PIK3R3: variants seen among roughly 807,000 people sequenced by gnomAD.
PIK3R3 encodes the protein phosphoinositide-3-kinase regulatory subunit 3.
A neutral mutation model predicts 62.9 loss-of-function variants in PIK3R3; 64 were observed. The ratio of observed to expected loss-of-function variants is 1.02; its 90% CI spans 0.83 to 1.25. PIK3R3 has a LOEUF of 1.25. Among genes scored for constraint, PIK3R3 ranks in the 50% most tolerant of loss-of-function variants. The pLI is 0.00. For missense variants in PIK3R3, 614 were observed against 561.6 expected (o/e 1.09, Z -0.94); for synonymous variants, 165 against 189.0 (o/e 0.87, Z 1.04).
intron 5 of PIK3R3, among the ~76,000 whole-genome samples, chr1:46,064,912 TAGAA>T (rs1395074147): frequency 2.6e-5 from 4 of 151,888 alleles, no homozygotes; most frequent in Non-Finnish European, 2.9e-5. Context: ...AGAAAAAAAT[TAGAA>T]AGAGCAGAAA....
At chr1:46,150,828 G>A in the PIK3R3 span, among the ~76,000 whole-genome samples, 1 of 110,852 alleles carries the variant, frequency 9.0e-6, no homozygotes, top group Non-Finnish European at 1.8e-5. Flanking sequence ...TTTTTTTTGA[G>A]ACAGAGTTTT....
the PIK3R3 span, among the ~76,000 whole-genome samples, chr1:46,144,507 T>C: frequency 3.3e-5 from 5 of 152,204 alleles, no homozygotes; most frequent in East Asian, 1.9e-4. Context: ...CGGTGGCTCA[T>C]GCCTGCAATC....
At chr1:46,132,841 T>C (rs2149483004), upstream of PIK3R3, 1 of 1,212,172 alleles carries the variant, frequency 8.2e-7, no homozygotes, top group South Asian at 1.4e-5. Context: ...ATCTCGACTT[T>C]CACGTCTCCC....
At chr1:46,165,000 G>T in the PIK3R3 span, among the ~76,000 whole-genome samples, 114 of 151,940 alleles carry the variant, frequency 7.5e-4, no homozygotes, top group African/African-American at 2.7e-3. Flanking sequence ...GCCCAATTAA[G>T]TTTTCTACTT....
At chr1:46,072,155 A>G (rs1489537700) in intron 3 of PIK3R3, among the ~76,000 whole-genome samples, 1 of 152,188 alleles carries the variant, frequency 6.6e-6, no homozygotes, top group Admixed American at 6.5e-5. Flanking sequence ...TCACCAAAGC[A>G]TATTTTGTGA....
chr1:46,049,052 T>C (rs1020645324), intron 7 of PIK3R3, among the ~76,000 whole-genome samples: 6 of 152,156 alleles, frequency 3.9e-5, no homozygotes, highest in African/African-American at 1.4e-4. Context: ...CTGATTCTGT[T>C]GGTGTGGTAA....
the PIK3R3 span, among the ~76,000 whole-genome samples, chr1:46,160,047 CCT>C: frequency 6.6e-6 from 1 of 152,148 alleles, no homozygotes; most frequent in Non-Finnish European, 1.5e-5. Flanking sequence ...AGTTCTTTAG[CCT>C]CTCCTTTTGC....
At chr1:46,119,122 A>G (rs1052643316) in intron 1 of PIK3R3, among the ~76,000 whole-genome samples, 1 of 152,114 alleles carries the variant, frequency 6.6e-6, no homozygotes, top group African/African-American at 2.4e-5. Flanking sequence ...TCTCCACAGC[A>G]TTTAACACCA....
At chr1:46,136,509 C>T (rs1655939898), upstream of PIK3R3, among the ~76,000 whole-genome samples, 2 of 152,102 alleles carry the variant, frequency 1.3e-5, no homozygotes, top group South Asian at 4.1e-4. Context: ...TTTACCTTTC[C>T]TCATCTTTCT....
At chr1:46,146,761 G>C in the PIK3R3 span, among the ~76,000 whole-genome samples, 1 of 125,218 alleles carries the variant, frequency 8.0e-6, no homozygotes, top group African/African-American at 3.1e-5. Flanking sequence ...ACACAGCTTT[G>C]GTCCTGCCCA....
At chr1:46,135,517 T>A (rs1166743837), upstream of PIK3R3, among the ~76,000 whole-genome samples, 1 of 152,252 alleles carries the variant, frequency 6.6e-6, no homozygotes, top group Non-Finnish European at 1.5e-5. Context: ...ATGGCTAGGA[T>A]GCCCTTCACT....
intron 1 of PIK3R3, among the ~76,000 whole-genome samples, chr1:46,111,342 A>G (rs1653723822): frequency 6.6e-6 from 1 of 152,148 alleles, no homozygotes; most frequent in African/African-American, 2.4e-5. Context: ...CTCTCAAGGC[A>G]GCATGTACAC....
At chr1:46,049,615 A>G (rs894772906) in intron 7 of PIK3R3, among the ~76,000 whole-genome samples, 3 of 152,218 alleles carry the variant, frequency 2.0e-5, no homozygotes, top group African/African-American at 7.2e-5. Context: ...GCAAGACCCA[A>G]TGATTAGGCA....
At chr1:46,085,065 CAACA>C (rs1216677913) in intron 1 of PIK3R3, among the ~76,000 whole-genome samples, 1 of 152,188 alleles carries the variant, frequency 6.6e-6, no homozygotes, top group Non-Finnish European at 1.5e-5. Flanking sequence ...GCTCTACCAC[CAACA>C]AACATGTAAT....
intron 3 of PIK3R3, among the ~76,000 whole-genome samples, chr1:46,073,080 T>C (rs973404000): frequency 6.6e-6 from 1 of 152,010 alleles, no homozygotes; most frequent in Admixed American, 6.6e-5. Context: ...ATAATTTAAA[T>C]TGTAGTAGGC....
the PIK3R3 span, among the ~76,000 whole-genome samples, chr1:46,152,555 A>G: frequency 1.3e-5 from 2 of 149,880 alleles, no homozygotes; most frequent in African/African-American, 4.9e-5. Flanking sequence ...TACGCTGATT[A>G]ACATCTTTTT....
intron 1 of PIK3R3, among the ~76,000 whole-genome samples, chr1:46,123,238 C>T (rs771974817): frequency 8.6e-5 from 13 of 151,908 alleles, no homozygotes; most frequent in Non-Finnish European, 1.9e-4. Context: ...GGGTACAGTG[C>T]TAGAATTTTT....
chr1:46,128,497 C>G (rs2149477180), intron 1 of PIK3R3, among the ~76,000 whole-genome samples: 1 of 152,216 alleles, frequency 6.6e-6, no homozygotes, highest in South Asian at 2.1e-4. Context: ...GTTAAGGGCC[C>G]TAAGTCAACA....
chr1:46,067,438 A>C (rs1255610783), intron 3 of PIK3R3, among the ~76,000 whole-genome samples: 1 of 151,966 alleles, frequency 6.6e-6, no homozygotes, highest in Non-Finnish European at 1.5e-5. Flanking sequence ...GAATTTTCAA[A>C]TTTAAATTCT....
Sources: allele counts gnomAD v4.1 joint callset (sites outside exome capture counted in the v4.1 genomes callset), GRCh38; gene constraint gnomAD v4.1.1; transcripts MANE v1.5; gene names NCBI Gene and HGNC (gene_info 2026-07-23, HGNC 2026-07-21).